Variants in RORA observed in about 807,000 individuals in gnomAD.
RORA encodes nuclear receptor ROR-alpha.
RORA carries 7 observed loss-of-function variants against 69.5 expected under a neutral mutation model. The ratio of observed to expected loss-of-function variants is 0.10; its 90% CI spans 0.06 to 0.19. The LOEUF is 0.19. RORA is among the 10% of genes least tolerant of loss of function. The pLI is 1.00. For missense variants in RORA, 457 were observed against 663.0 expected, an observed-to-expected ratio of 0.69 and a Z score of 3.41; for synonymous variants, 261 against 240.8, an observed-to-expected ratio of 1.08 and a Z score of -0.78.
chr15:60,937,546 C>G (rs894974645), intron 1 of RORA, among the ~76,000 whole-genome samples: 1 of 152,188 alleles, frequency 6.6e-6, no homozygotes, highest in African/African-American at 2.4e-5. Flanking sequence ...TTCATATGCA[C>G]TGGGGGCAGA....
chr15:60,862,629 G>A (rs2073445532), intron 1 of RORA, among the ~76,000 whole-genome samples: 1 of 152,210 alleles, frequency 6.6e-6, no homozygotes, highest in Admixed American at 6.5e-5. Flanking sequence ...AGTGGGAGGT[G>A]TATTTTGGGT....
At chr15:60,937,558 A>C (rs1031500796) in intron 1 of RORA, among the ~76,000 whole-genome samples, 7 of 152,180 alleles carry the variant, frequency 4.6e-5, no homozygotes, top group Non-Finnish European at 1.0e-4. Flanking sequence ...GGGGGCAGAA[A>C]AATGTATGAT....
intron 3 of RORA, among the ~76,000 whole-genome samples, chr15:60,518,382 A>AT (rs138675349): frequency 0.041 from 6,222 of 152,342 alleles, 445 homozygotes; most frequent in African/African-American, 0.14. Context: ...ATGATGACAG[A>AT]TTATCAGTCT....
At chr15:60,734,736 A>G (rs2071476272) in intron 1 of RORA, among the ~76,000 whole-genome samples, 1 of 152,238 alleles carries the variant, frequency 6.6e-6, no homozygotes, top group Non-Finnish European at 1.5e-5. Flanking sequence ...AAGATACAGT[A>G]TACTCTTCCA....
chr15:60,873,653 T>G (rs886201435), intron 1 of RORA, among the ~76,000 whole-genome samples: 1 of 152,078 alleles, frequency 6.6e-6, no homozygotes, highest in African/African-American at 2.4e-5. Context: ...TATACAAACT[T>G]AGGGGGGAAA....
At position 61,179,311 on chromosome 15, in the gene RORA, A is replaced by T. The variant is rs145647620; in HGVS notation, c.166+49742T>A. The stretch of plus-strand genomic sequence containing the variant: ...TTTTCCAGGGGTTACATGATGTGTG[A>T]TACCACCACACACTGAATGCAGAAG... On this transcript the variant is annotated intron_variant, in intron 1 of 10. Transcript: ENST00000335670. Among the ~76,000 whole-genome samples the T allele has an allele frequency of 4.2e-3, 634 of 152,348 alleles. 2 individuals carry two copies. The highest frequency in any genetic ancestry group is 0.013 in the South Asian group (61 of 4,826).
In RORA at chr15:60,678,645, T is replaced by C; in HGVS notation, c.196+12A>G. The C allele has an allele frequency of 6.2e-7, 1 of 1,604,946 alleles. No individual in the cohort carries two copies. The highest frequency in any genetic ancestry group is 1.1e-5 in the South Asian group (1 of 90,818). On this transcript the variant is annotated intron_variant, in intron 2 of 10. Transcript: ENST00000335670. ...CAGAAAACTTTGGACAGAAAAAAAA[T>C]GCATTACTTACATGTATGTGTCTTC...
At chr15:60,725,350 T>C (rs16943005) in intron 1 of RORA, among the ~76,000 whole-genome samples, 3,379 of 152,320 alleles carry the variant, frequency 0.022, 136 homozygotes, top group African/African-American at 0.078. Context: ...TGCATCATGG[T>C]GCTCAATTGT....
chr15:60,725,868 G>A (rs1465656236), intron 1 of RORA, among the ~76,000 whole-genome samples: 3 of 152,150 alleles, frequency 2.0e-5, no homozygotes, highest in Admixed American at 2.0e-4. Flanking sequence ...GTGGAAGGGA[G>A]GCCATATAGA....
At chr15:60,609,749 T>G (rs1267860643) in intron 2 of RORA, among the ~76,000 whole-genome samples, 1 of 152,204 alleles carries the variant, frequency 6.6e-6, no homozygotes, top group African/African-American at 2.4e-5. Context: ...GTCTCCACGG[T>G]TGCCTGATGA....
At chr15:60,880,940 C>A (rs1057449853) in intron 1 of RORA, among the ~76,000 whole-genome samples, 24 of 152,294 alleles carry the variant, frequency 1.6e-4, no homozygotes, top group African/African-American at 5.5e-4. Context: ...CAAATCTTGC[C>A]ACCTGACACC....
At chr15:60,583,235 CCT>C (rs986395017) in intron 2 of RORA, among the ~76,000 whole-genome samples, 6 of 152,230 alleles carry the variant, frequency 3.9e-5, no homozygotes, top group African/African-American at 1.4e-4. Context: ...TTTGGTCTCC[CCT>C]GTTTGGATGT....
chr15:60,868,370 T>A (rs74549424), intron 1 of RORA, among the ~76,000 whole-genome samples: 3,575 of 152,270 alleles, frequency 0.023, 133 homozygotes, highest in African/African-American at 0.082. Context: ...TATAAGTTGG[T>A]ACATGTCAAG....
chr15:60,556,308 A>G (rs572697920), intron 2 of RORA, among the ~76,000 whole-genome samples: 1 of 152,152 alleles, frequency 6.6e-6, no homozygotes, highest in Admixed American at 6.6e-5. Context: ...TACATTCTAA[A>G]TCTACCCTCA....
At chr15:61,053,486 C>G (rs1014008124) in intron 1 of RORA, among the ~76,000 whole-genome samples, 1 of 151,990 alleles carries the variant, frequency 6.6e-6, no homozygotes, top group Admixed American at 6.6e-5. Context: ...TACAGTTTCA[C>G]GATGATTTCC....
chr15:61,170,779 G>GTTAAT (rs2079578391), intron 1 of RORA, among the ~76,000 whole-genome samples: 1 of 152,224 alleles, frequency 6.6e-6, no homozygotes, highest in Admixed American at 6.5e-5. Context: ...TGCTTAGTTA[G>GTTAAT]GTAAAGCAGA....
intron 1 of RORA, among the ~76,000 whole-genome samples, chr15:61,200,700 G>A (rs983595153): frequency 2.6e-5 from 4 of 152,130 alleles, no homozygotes; most frequent in African/African-American, 7.2e-5. Flanking sequence ...CATCGGAGAC[G>A]GCCGTGATTT....
At chr15:61,221,735 A>G (rs2080098666) in intron 1 of RORA, among the ~76,000 whole-genome samples, 1 of 152,198 alleles carries the variant, frequency 6.6e-6, no homozygotes, top group African/African-American at 2.4e-5. Flanking sequence ...TTAACACTGC[A>G]CTGCCTCTTT....
intron 1 of RORA, among the ~76,000 whole-genome samples, chr15:61,007,173 G>A (rs1439640689): frequency 6.6e-6 from 1 of 152,054 alleles, no homozygotes; most frequent in Non-Finnish European, 1.5e-5. Flanking sequence ...ATTTGATATA[G>A]GGGTTAAAAG....
Sources: allele counts gnomAD v4.1 joint callset (sites outside exome capture counted in the v4.1 genomes callset), GRCh38; gene constraint gnomAD v4.1.1; transcripts MANE v1.5; gene names NCBI Gene and HGNC (gene_info 2026-07-23, HGNC 2026-07-21).